Variants in TENM4 observed in about 807,000 individuals in gnomAD.
TENM4 encodes the protein teneurin transmembrane protein 4, also known as teneurin-4.
A neutral mutation model predicts 243.3 loss-of-function variants in TENM4; 82 were observed. That is an observed-to-expected ratio of 0.34 (90% CI 0.28 to 0.40). The LOEUF (loss-of-function observed/expected upper bound fraction) is 0.40, where lower values mean the gene tolerates loss of function less well. Ranked by LOEUF, TENM4 falls within the 10% of genes least tolerant of loss-of-function variation. The pLI is 1.00. For synonymous variants in TENM4, 1,412 were observed against 1,456.3 expected, an observed-to-expected ratio of 0.97 and a Z score of 0.69; for missense variants, 3,138 against 3,673.3, an observed-to-expected ratio of 0.85 and a Z score of 3.77.
chr11:79,100,428 T>C (rs12797061), intron 4 of TENM4, among the ~76,000 whole-genome samples: 61,136 of 151,954 alleles, frequency 0.4, 14,767 homozygotes, highest in Non-Finnish European at 0.56. Flanking sequence ...TTCCAGGCAC[T>C]TCCATATTTA....
At chr11:78,844,584 G>A (rs966037950) in intron 12 of TENM4, among the ~76,000 whole-genome samples, 2 of 151,954 alleles carry the variant, frequency 1.3e-5, no homozygotes, top group Non-Finnish European at 2.9e-5. Flanking sequence ...GGAGTTTGCA[G>A]TGAACCAAGA....
At chr11:78,804,926 A>G (rs1857356808) in intron 15 of TENM4, among the ~76,000 whole-genome samples, 1 of 152,154 alleles carries the variant, frequency 6.6e-6, no homozygotes, top group Admixed American at 6.5e-5. Flanking sequence ...CATTTATCCT[A>G]TAAGGCCCAC....
intron 7 of TENM4, among the ~76,000 whole-genome samples, chr11:78,896,017 T>A (rs985869304): frequency 6.6e-6 from 1 of 152,168 alleles, no homozygotes; most frequent in Non-Finnish European, 1.5e-5. Context: ...CCCAGTCCCA[T>A]GTGTCTGACT....
chr11:79,298,880 A>G (rs925033981), intron 1 of TENM4, among the ~76,000 whole-genome samples: 1 of 152,188 alleles, frequency 6.6e-6, no homozygotes, highest in East Asian at 1.9e-4. Context: ...TTTCTTAACT[A>G]TATTTTTAAA....
chr11:79,257,875 A>C (rs1855725939), intron 2 of TENM4, among the ~76,000 whole-genome samples: 1 of 152,216 alleles, frequency 6.6e-6, no homozygotes. Context: ...TTTAACTAGA[A>C]GGGCTGAGGT....
intron 4 of TENM4, among the ~76,000 whole-genome samples, chr11:79,086,873 T>C (rs1283456098): frequency 6.8e-6 from 1 of 148,134 alleles, no homozygotes; most frequent in Non-Finnish European, 1.5e-5. Flanking sequence ...ACGAGGGTAA[T>C]AAGGATAATG....
At chr11:79,011,865 A>G (rs1858650500) in intron 6 of TENM4, among the ~76,000 whole-genome samples, 1 of 152,218 alleles carries the variant, frequency 6.6e-6, no homozygotes, top group African/African-American at 2.4e-5. Flanking sequence ...TCAAAAATCC[A>G]ATGACTCTGT....
Position 78,726,105 on chromosome 11 carries a change from T to G in TENM4, c.3524A>C (p.Lys1175Thr). 7.4e-6 allele frequency: 12 copies of G among 1,614,028 alleles called. No homozygotes were observed. The highest frequency in any genetic ancestry group is 1.0e-5 in the Non-Finnish European group (12 of 1,179,890). The stretch of plus-strand genomic sequence containing the variant: ...ACTTTGAATGTTGAGGGCATGATGT[T>G]TGTCTAGGCTCCATCCTCCAAGCTT... ...ASKLGGWSLD[K>T]HHALNIQSGI... The change falls in exon 23 of 34, where the codon AAA becomes ACA. Residue 1175 changes from lysine to threonine, a missense_variant. Coordinates refer to ENST00000278550, the MANE Select transcript of TENM4 (RefSeq NM_001098816.3).
At chr11:78,972,540 C>A (rs1857569709) in intron 6 of TENM4, among the ~76,000 whole-genome samples, 1 of 152,158 alleles carries the variant, frequency 6.6e-6, no homozygotes, top group African/African-American at 2.4e-5. Flanking sequence ...AAGCTGGTCT[C>A]CTGAATATCA....
At chr11:78,900,612 T>A (rs1290752813) in intron 7 of TENM4, among the ~76,000 whole-genome samples, 1 of 152,222 alleles carries the variant, frequency 6.6e-6, no homozygotes, top group Non-Finnish European at 1.5e-5. Flanking sequence ...TGTGTGCTTC[T>A]TATATATCAC....
chr11:79,078,897 AC>A (rs1197354017), intron 4 of TENM4, among the ~76,000 whole-genome samples: 6 of 152,188 alleles, frequency 3.9e-5, no homozygotes, highest in African/African-American at 2.4e-5. Flanking sequence ...TGTCTGTCTG[AC>A]CCCAAGGTTC....
chr11:79,423,535 A>ATTTTTTT (rs67697266), intron 1 of TENM4, among the ~76,000 whole-genome samples: 1 of 114,130 alleles, frequency 8.8e-6, no homozygotes, highest in Admixed American at 9.6e-5. Flanking sequence ...TTACAAGTGC[A>ATTTTTTT]TTTTTTTTTT....
chr11:79,346,363 G>T (rs1326923296), intron 1 of TENM4, among the ~76,000 whole-genome samples: 2 of 152,000 alleles, frequency 1.3e-5, no homozygotes, highest in Non-Finnish European at 2.9e-5. Context: ...ACCTGCCTTC[G>T]GGGGTGTTTG....
chr11:78,708,984 TA>T (rs1555068584), intron 26 of TENM4, among the ~76,000 whole-genome samples: 77 of 145,294 alleles, frequency 5.3e-4, no homozygotes, highest in Admixed American at 3.7e-3. Context: ...TTTTTTTTTT[TA>T]AAAAAAGAGT....
chr11:79,283,398 G>A (rs1856193561), intron 2 of TENM4, among the ~76,000 whole-genome samples: 1 of 152,000 alleles, frequency 6.6e-6, no homozygotes, highest in Admixed American at 6.6e-5. Context: ...AGGAATTCAA[G>A]GTCGGTTTAA....
intron 22 of TENM4, among the ~76,000 whole-genome samples, chr11:78,728,179 T>C (rs951279861): frequency 6.6e-6 from 1 of 152,188 alleles, no homozygotes; most frequent in African/African-American, 2.4e-5. Context: ...CAGTGAGAGA[T>C]GGCACCTTTG....
chr11:78,929,240 G>A (rs1005904919), intron 6 of TENM4, among the ~76,000 whole-genome samples: 6 of 152,142 alleles, frequency 3.9e-5, no homozygotes, highest in South Asian at 2.1e-4. Context: ...GGGTGAACAC[G>A]GCTGTCAGCT....
At chr11:78,708,877 A>T (rs993402989) in intron 26 of TENM4, among the ~76,000 whole-genome samples, 1 of 152,110 alleles carries the variant, frequency 6.6e-6, no homozygotes, top group South Asian at 2.1e-4. Context: ...TAACACTGTG[A>T]ATTATTTAAA....
chr11:78,815,906 G>A (rs763538076), intron 12 of TENM4, among the ~76,000 whole-genome samples: 1 of 152,202 alleles, frequency 6.6e-6, no homozygotes, highest in Non-Finnish European at 1.5e-5. Context: ...CGGGCTCCAC[G>A]CCTGGCCTTG....
Sources: allele counts gnomAD v4.1 joint callset (sites outside exome capture counted in the v4.1 genomes callset), GRCh38; gene constraint gnomAD v4.1.1; transcripts MANE v1.5; gene names NCBI Gene and HGNC (gene_info 2026-07-23, HGNC 2026-07-21).